The following NADK variants were observed in gnomAD, a reference collection of about 807,000 sequenced individuals.
NADK encodes the protein poly(P)/ATP NAD kinase.
Under a neutral mutation model 49.8 loss-of-function variants are expected in NADK, and 22 were observed. That is an observed-to-expected ratio of 0.44 (90% CI 0.32 to 0.63). The LOEUF (loss-of-function observed/expected upper bound fraction) is 0.63. NADK is among the 30% of genes least tolerant of loss of function. NADK has a pLI of 0.06. For missense variants in NADK, 438 were observed against 609.4 expected (o/e 0.72, Z 2.96); for synonymous variants, 268 against 253.7 (o/e 1.06, Z -0.54).
intron 3 of NADK, chr1:1,759,379 C>CCAGCATGGCCA (rs1645641615): frequency 7.8e-7 from 1 of 1,274,690 alleles, no homozygotes; most frequent in Non-Finnish European, 1.0e-6. Flanking sequence ...TGGCGTGAAG[C>CCAGCATGGCCA]CAGCATGGCC....
chr1:1,767,597 T>C (rs1183360910), intron 1 of NADK, among the ~76,000 whole-genome samples: 1 of 152,154 alleles, frequency 6.6e-6, no homozygotes, highest in African/African-American at 2.4e-5. Flanking sequence ...AGAAGATAAA[T>C]CTTAATGAGG....
chr1:1,763,028 G>A (rs1297068277), intron 2 of NADK, among the ~76,000 whole-genome samples: 10 of 152,212 alleles, frequency 6.6e-5, no homozygotes, highest in South Asian at 2.1e-4. Flanking sequence ...GCCAGGCAAC[G>A]GCCCAACAAA....
intron 1 of NADK, among the ~76,000 whole-genome samples, chr1:1,765,944 A>AAAT (rs1435021395): frequency 5.9e-5 from 9 of 151,670 alleles, no homozygotes; most frequent in African/African-American, 2.2e-4. Context: ...TTAACAAAAA[A>AAAT]AATTGTTTCA....
chr1:1,770,408 G>A (rs570677912), intron 1 of NADK, among the ~76,000 whole-genome samples: 14 of 152,164 alleles, frequency 9.2e-5, no homozygotes, highest in Non-Finnish European at 2.1e-4. Flanking sequence ...ACTTGCAGAT[G>A]ACATGACATT....
chr1:1,754,829 C>A lies in NADK; in HGVS notation c.689-131G>T. On this transcript the variant is annotated intron_variant, in intron 7 of 11. Transcript: ENST00000341426. This position sits in a 1 kb window ranked among gnomAD's most constrained non-coding sequence, Gnocchi z 4.3. ...AGTTGACACACTTCTGTGCCTTTTT[C>A]TTTTTATTTTGAGATGGAGTCTCAC... 1 of 878,806 alleles carries A rather than the reference C, an allele frequency of 1.1e-6. No individual in the cohort carries two copies. The allele number at this position is 878,806 out of a possible 1,614,324, so 54.4% of individuals were successfully genotyped here.
chr1:1,767,583 T>G (rs1645925024), intron 1 of NADK, among the ~76,000 whole-genome samples: 3 of 152,196 alleles, frequency 2.0e-5, no homozygotes, highest in Admixed American at 1.3e-4. Flanking sequence ...TACCTTCTCA[T>G]TAAAGAAGAT....
At chr1:1,769,423 C>T (rs529686855) in intron 1 of NADK, among the ~76,000 whole-genome samples, 19 of 152,198 alleles carry the variant, frequency 1.2e-4, no homozygotes, top group African/African-American at 2.9e-4. Flanking sequence ...TGGTGGTGGG[C>T]GCCTACACTC....
chr1:1,758,977 C>T, intron 3 of NADK: 1 of 1,272,906 alleles, frequency 7.9e-7, no homozygotes, highest in South Asian at 1.6e-5. Context: ...CCCGCTGCGT[C>T]ACTCTGCTTG....
At chr1:1,772,866 C>T (rs1329679083) in intron 1 of NADK, among the ~76,000 whole-genome samples, 2 of 151,592 alleles carry the variant, frequency 1.3e-5, no homozygotes, top group African/African-American at 2.4e-5. Context: ...ATGCAGAAAC[C>T]GCGTTTCTAC....
In NADK at chr1:1,773,676, T is replaced by TTGTG. The variant is rs57063985; in HGVS notation, c.-41+4609_-41+4612dup. Among the ~76,000 whole-genome samples, 425 of 116,704 alleles carry TTGTG rather than the reference T, an allele frequency of 3.6e-3. 4 individuals carry two copies. Among genetic ancestry groups the TTGTG allele is most frequent in the Non-Finnish European group, 5.0e-3 (277 of 54,980 alleles). The allele number at this position is 116,704 out of a possible 152,430, so 76.6% of individuals were successfully genotyped here. A position where few individuals can be genotyped will look rare whatever the true frequency, so the allele number is the denominator to read the frequency against. ...TGCTACATTACCTAGAAGCTCTATT[T>TTGTG]TGTGTGTGTGTGTGTGTGTGTGTGT... On this transcript the variant is annotated intron_variant, in intron 1 of 11. Transcript: ENST00000341426.
intron 1 of NADK, among the ~76,000 whole-genome samples, chr1:1,768,888 T>A (rs1645963596): frequency 6.6e-6 from 1 of 152,184 alleles, no homozygotes; most frequent in Admixed American, 6.5e-5. Flanking sequence ...GGCCCTATGC[T>A]ACGGTCAAAG....
intron 1 of NADK, among the ~76,000 whole-genome samples, chr1:1,772,868 C>T (rs1304829335): frequency 4.0e-5 from 6 of 151,350 alleles, no homozygotes; most frequent in African/African-American, 1.5e-4. Context: ...GCAGAAACCG[C>T]GTTTCTACTA....
chr1:1,754,358 C>CT lies in NADK; in HGVS notation c.868dup (p.Arg290LysfsTer84). 6.2e-7 allele frequency: 1 copy of CT among 1,613,958 alleles called. No homozygotes were observed. The highest frequency in any genetic ancestry group is 8.5e-7 in the Non-Finnish European group (1 of 1,179,960). ...ATTGGACAGGTAGGAGGAGGGGCCT[C>CT]TGTCAATCACCACCTCATTCAGGAC... On this transcript the variant is annotated frameshift_variant, in exon 9 of 12. Coordinates refer to ENST00000341426, the MANE Select transcript of NADK (RefSeq NM_023018.5). LOFTEE classifies it high-confidence loss of function. This position sits in a 1 kb window ranked among gnomAD's most constrained non-coding sequence, Gnocchi z 4.3.
intron 5 of NADK, 34 bp downstream of exon 5, chr1:1,756,469 G>A (rs1570512606): frequency 7.4e-6 from 12 of 1,613,412 alleles, no homozygotes; most frequent in Non-Finnish European, 1.0e-5. Context: ...GAACTGTGCT[G>A]GAGAAACCAA....
rs796232691 is a variant in NADK, at chr1:1,775,112, G to GA, written c.-41+3176dup. ...GGACAGAGTGAGACTCCGCCTCAAA[G>GA]AAAAAAAAAAAATCCTCTGTATTAG... On this transcript the variant is annotated intron_variant, in intron 1 of 11. Coordinates refer to ENST00000341426, the MANE Select transcript of NADK (RefSeq NM_023018.5). Among the ~76,000 whole-genome samples the GA allele has an allele frequency of 7.6e-4, 95 of 124,934 alleles. No individual in the cohort carries two copies. In the Middle Eastern group the frequency reaches 0.012, roughly 16 times the overall value. 82.0% of individuals were successfully genotyped at this position (124,934 alleles called of 152,430 possible).
At chr1:1,767,035 C>A (rs867948910) in intron 1 of NADK, among the ~76,000 whole-genome samples, 1 of 152,158 alleles carries the variant, frequency 6.6e-6, no homozygotes, top group Non-Finnish European at 1.5e-5. Context: ...CTGCTTCAGC[C>A]TCCCTAGCAG....
At chr1:1,760,294 G>C (rs956962852) in intron 3 of NADK, among the ~76,000 whole-genome samples, 1 of 152,222 alleles carries the variant, frequency 6.6e-6, no homozygotes, top group Non-Finnish European at 1.5e-5. Flanking sequence ...GGCCTCAAAA[G>C]CACAAGTGCG....
chr1:1,769,567 A>C (rs940676045), intron 1 of NADK, among the ~76,000 whole-genome samples: 2 of 151,870 alleles, frequency 1.3e-5, no homozygotes, highest in African/African-American at 2.4e-5. Flanking sequence ...AAAACAAAAA[A>C]CAAAAAACAA....
intron 3 of NADK, among the ~76,000 whole-genome samples, chr1:1,760,503 C>T (rs1329808241): frequency 6.6e-6 from 1 of 152,244 alleles, no homozygotes; most frequent in African/African-American, 2.4e-5. Flanking sequence ...CCCCAGCCTC[C>T]ATGGCACCGG....
Sources: gnomAD v4.1 joint callset for allele counts (sites outside exome capture counted in the v4.1 genomes callset) on GRCh38, gnomAD v4.1.1 for gene constraint, Gnocchi (gnomAD v3.1) non-coding constraint, MANE v1.5 for transcripts, NCBI Gene and HGNC (gene_info 2026-07-23, HGNC 2026-07-21) for gene names.